VIPR2: variants seen among roughly 807,000 people sequenced by gnomAD.
VIPR2 encodes the protein vasoactive intestinal polypeptide receptor 2.
VIPR2 carries 48 observed loss-of-function variants against 58.0 expected under a neutral mutation model. The ratio of observed to expected loss-of-function variants is 0.83; its 90% CI spans 0.66 to 1.05. The LOEUF (loss-of-function observed/expected upper bound fraction) is 1.05, where lower values mean the gene tolerates loss of function less well. VIPR2 is among the 50% of genes least tolerant of loss of function. The pLI is 0.00. For missense variants in VIPR2, 534 were observed against 558.0 expected, an observed-to-expected ratio of 0.96 and a Z score of 0.43; for synonymous variants, 243 against 235.2, an observed-to-expected ratio of 1.03 and a Z score of -0.30.
At chr7:159,100,250 C>T (rs1262340803) in intron 4 of VIPR2, among the ~76,000 whole-genome samples, 1 of 152,202 alleles carries the variant, frequency 6.6e-6, no homozygotes, top group Admixed American at 6.5e-5. Context: ...GAGCACACCT[C>T]ACCACTCCCC....
In VIPR2 at chr7:159,112,030, A is replaced by T. The variant is rs537288415; in HGVS notation, c.152-2111T>A. 2.0e-5 allele frequency among the ~76,000 whole-genome samples: 3 copies of T among 152,372 alleles called. No individual in the cohort carries two copies. The South Asian group carries it at 6.2e-4, about 32-fold the overall frequency. On this transcript the variant is annotated intron_variant, in intron 2 of 12. Transcript: ENST00000262178. ...CGTCTCAATAAATAAACAATAAATA[A>T]GATAATGTATAGTAAGATAACTAAT...
chr7:159,082,754 A>C (rs1856975803), intron 4 of VIPR2, among the ~76,000 whole-genome samples: 1 of 152,172 alleles, frequency 6.6e-6, no homozygotes. Flanking sequence ...AGACCTGCAG[A>C]CAGATAGGCA....
Position 159,144,785 on chromosome 7 carries a change from T to G in VIPR2, c.-14A>C. The G allele has an allele frequency of 1.6e-6, 2 of 1,245,296 alleles. No individual in the cohort carries two copies. Among genetic ancestry groups the G allele is most frequent in the Non-Finnish European group, 1.0e-6 (1 of 996,202 alleles). The allele number at this position is 1,245,296 out of a possible 1,614,324, so 77.1% of individuals were successfully genotyped here. A position where few individuals can be genotyped will look rare whatever the true frequency, so the allele number is the denominator to read the frequency against. ...CAGCGTCCGCATCCCGAGCTCAGCG[T>G]GCCGGGGGCCGCCCAGCGCCCGCCG... On this transcript the variant is annotated 5_prime_UTR_variant, in exon 1 of 13. Coordinates refer to ENST00000262178, the MANE Select transcript of VIPR2 (RefSeq NM_003382.5).
In VIPR2 at chr7:159,096,457, A is replaced by C. The variant is rs1332985529; in HGVS notation, c.357+7300T>G. Among the ~76,000 whole-genome samples the C allele has an allele frequency of 6.6e-6, 1 of 152,138 alleles. No homozygotes were observed. The highest frequency in any genetic ancestry group is 1.5e-5 in the Non-Finnish European group (1 of 68,018). On this transcript the variant is annotated intron_variant, in intron 4 of 12. Coordinates refer to ENST00000262178, the MANE Select transcript of VIPR2 (RefSeq NM_003382.5). This position sits in a 1 kb window ranked among gnomAD's most constrained non-coding sequence, Gnocchi z 5.5. ...CCTCCATCCTTCCACCTTCCTGATC[A>C]TGTGGACCTCTAATTCCTTCACCTT...
At chr7:159,072,071 G>T (rs1856435755) in intron 4 of VIPR2, among the ~76,000 whole-genome samples, 1 of 147,752 alleles carries the variant, frequency 6.8e-6, no homozygotes, top group Admixed American at 6.7e-5. Context: ...ATGTCTCTAG[G>T]CCGGGAACCC....
chr7:159,124,640 C>T (rs1322517656), intron 2 of VIPR2, among the ~76,000 whole-genome samples: 1 of 152,044 alleles, frequency 6.6e-6, no homozygotes, highest in East Asian at 1.9e-4. Context: ...TTTCTTGGTT[C>T]CATATGAATT....
rs768848937 is a variant in VIPR2, at chr7:159,097,012, A to G, written c.357+6745T>C. 6.5e-7 allele frequency: 1 copy of G among 1,550,384 alleles called. No homozygotes were observed. Among genetic ancestry groups the G allele is most frequent in the Admixed American group, 2.0e-5 (1 of 50,986 alleles). On this transcript the variant is annotated intron_variant, in intron 4 of 12. Transcript: ENST00000262178. This position sits in a 1 kb window ranked among gnomAD's most constrained non-coding sequence, Gnocchi z 5.3. Reference sequence around the variant, plus strand: ...TTCCTTCAGAAAAGCTGCTGCTCTCAGAGGTGATTTGGGGCAGGCCGCTCT... The same window carrying G: ...TTCCTTCAGAAAAGCTGCTGCTCTCGGAGGTGATTTGGGGCAGGCCGCTCT...
chr7:159,138,112 A>T (rs1797305268), intron 2 of VIPR2, among the ~76,000 whole-genome samples: 1 of 152,208 alleles, frequency 6.6e-6, no homozygotes, highest in Non-Finnish European at 1.5e-5. Flanking sequence ...CAGCTCCCGC[A>T]GCAGAGGGCA....
intron 4 of VIPR2, among the ~76,000 whole-genome samples, chr7:159,100,920 T>C (rs1366811699): frequency 1.3e-5 from 2 of 150,154 alleles, no homozygotes; most frequent in Non-Finnish European, 3.0e-5. Context: ...GTTCCTGTGG[T>C]AGTGAACGGG....
At chr7:159,086,353 G>A (rs749578515) in intron 4 of VIPR2, among the ~76,000 whole-genome samples, 3 of 152,208 alleles carry the variant, frequency 2.0e-5, no homozygotes, top group Non-Finnish European at 4.4e-5. Context: ...TGCTGAGCTG[G>A]GTTGTGGGGA....
intron 4 of VIPR2, among the ~76,000 whole-genome samples, chr7:159,088,816 TCGGTTCCTCATC>T (rs1398058822): frequency 1.8e-4 from 28 of 152,134 alleles, no homozygotes; most frequent in African/African-American, 6.3e-4. Context: ...GCCTCAGGCC[TCGGTTCCTCATC>T]TGGGGAATGG....
At chr7:159,054,627 C>T (rs545736927) in intron 5 of VIPR2, among the ~76,000 whole-genome samples, 2 of 152,322 alleles carry the variant, frequency 1.3e-5, no homozygotes, top group South Asian at 4.1e-4. Flanking sequence ...ATTACAGACG[C>T]ACAAGAATGG....
chr7:159,128,062 G>A lies in VIPR2; in HGVS notation c.151+14384C>T, dbSNP rs1410137978. Among the ~76,000 whole-genome samples the A allele has an allele frequency of 1.3e-5, 2 of 152,186 alleles. No homozygotes were observed. The highest frequency in any genetic ancestry group is 2.9e-5 in the Non-Finnish European group (2 of 68,034). On this transcript the variant is annotated intron_variant, in intron 2 of 12. Coordinates refer to ENST00000262178, the MANE Select transcript of VIPR2 (RefSeq NM_003382.5). The surrounding 1 kb of genome is among the most constrained non-coding windows in gnomAD (Gnocchi z 4.1). Reference sequence around the variant, plus strand: ...CACCTTGCAGCAGGGCCTGACCGTGGGTCTCGGCAGGAATGGAGCCAGGTG... The same window carrying A: ...CACCTTGCAGCAGGGCCTGACCGTGAGTCTCGGCAGGAATGGAGCCAGGTG...
chr7:159,136,139 T>C (rs1797213335), intron 2 of VIPR2, among the ~76,000 whole-genome samples: 1 of 152,178 alleles, frequency 6.6e-6, no homozygotes. Flanking sequence ...CTCACAGTTA[T>C]GAGGCTGGAT....
At chr7:159,106,802 G>A (rs2129496122) in intron 3 of VIPR2, among the ~76,000 whole-genome samples, 2 of 149,660 alleles carry the variant, frequency 1.3e-5, no homozygotes, top group South Asian at 4.3e-4. Flanking sequence ...AGGCCGGGGA[G>A]GTACAGAGAG....
At chr7:159,089,463 C>G (rs367659018) in intron 4 of VIPR2, among the ~76,000 whole-genome samples, 1 of 151,904 alleles carries the variant, frequency 6.6e-6, no homozygotes, top group South Asian at 2.1e-4. Context: ...CCTCAGGCCT[C>G]GGCTCCTCAT....
intron 5 of VIPR2, among the ~76,000 whole-genome samples, chr7:159,045,818 G>A (rs954483808): frequency 7.9e-5 from 12 of 151,280 alleles, no homozygotes; most frequent in African/African-American, 2.9e-4. Flanking sequence ...ACATTACTAA[G>A]AGAGTTCAAA....
chr7:159,083,185 C>T (rs543266208), intron 4 of VIPR2, among the ~76,000 whole-genome samples: 10 of 152,300 alleles, frequency 6.6e-5, no homozygotes, highest in East Asian at 3.9e-4. Flanking sequence ...TTGTCCACCC[C>T]GGAGCAGCCT....
At chr7:159,061,182 A>G (rs932751586) in intron 4 of VIPR2, among the ~76,000 whole-genome samples, 1 of 152,128 alleles carries the variant, frequency 6.6e-6, no homozygotes, top group Non-Finnish European at 1.5e-5. Flanking sequence ...CACGGTACTC[A>G]GGGAGGAGAA....
Sources: gnomAD v4.1 joint callset for allele counts (sites outside exome capture counted in the v4.1 genomes callset) on GRCh38, gnomAD v4.1.1 for gene constraint, Gnocchi (gnomAD v3.1) non-coding constraint, MANE v1.5 for transcripts, NCBI Gene and HGNC (gene_info 2026-07-23, HGNC 2026-07-21) for gene names.